Variants in COX7B2 observed in about 807,000 individuals in gnomAD.
COX7B2 encodes the protein cytochrome c oxidase subunit 7B2.
For synonymous variants in COX7B2, 37 were observed against 32.1 expected (o/e 1.15, Z -0.51); for missense variants, 109 against 95.9 (o/e 1.14, Z -0.57).
At chr4:46,802,412 C>A (rs946250022) in intron 2 of COX7B2, among the ~76,000 whole-genome samples, 4 of 152,098 alleles carry the variant, frequency 2.6e-5, no homozygotes, top group African/African-American at 4.8e-5. Flanking sequence ...GTTTCTATGA[C>A]TTCCTTCATG....
chr4:46,735,324 T>A, intron 2 of COX7B2, 83 bp from the exon 3 acceptor site: 7 of 996,940 alleles, frequency 7.0e-6, no homozygotes, highest in Non-Finnish European at 1.1e-5. Context: ...CATCACCCCT[T>A]GGAGTGGTGT....
At chr4:46,903,455 CTTAG>C (rs1346778061) in intron 1 of COX7B2, among the ~76,000 whole-genome samples, 1 of 151,682 alleles carries the variant, frequency 6.6e-6, no homozygotes, top group Non-Finnish European at 1.5e-5. Context: ...AGCGCAATTA[CTTAG>C]TTTTTTTTTT....
In COX7B2 at chr4:46,881,859, TCTC is replaced by T. The variant is rs370239805; in HGVS notation, c.-105+27298_-105+27300del. Among the ~76,000 whole-genome samples, 627 of 152,236 alleles carry T rather than the reference TCTC, an allele frequency of 4.1e-3. 6 individuals are homozygous for T. Among genetic ancestry groups the T allele is most frequent in the African/African-American group, 0.014 (586 of 41,528 alleles). On this transcript the variant is annotated intron_variant, in intron 1 of 2. Coordinates refer to ENST00000355591, the MANE Select transcript of COX7B2 (RefSeq NM_130902.3). ...CTAGCTTTGAGGTTTTTTTCTTGAC[TCTC>T]CTCTAATTCTTTCAGTTGTGATGTT...
At chr4:46,834,791 T>A (rs1715397326) in intron 2 of COX7B2, among the ~76,000 whole-genome samples, 1 of 152,072 alleles carries the variant, frequency 6.6e-6, no homozygotes, top group Non-Finnish European at 1.5e-5. Context: ...ATAGAAGCTA[T>A]TGTTTATCAT....
intron 1 of COX7B2, among the ~76,000 whole-genome samples, chr4:46,894,146 A>T (rs1399545409): frequency 6.6e-6 from 1 of 152,206 alleles, no homozygotes; most frequent in Non-Finnish European, 1.5e-5. Flanking sequence ...TGTTCTTCAC[A>T]GAACTAGAAA....
At chr4:46,798,155 T>A (rs184292268) in intron 2 of COX7B2, among the ~76,000 whole-genome samples, 12 of 152,220 alleles carry the variant, frequency 7.9e-5, no homozygotes, top group Admixed American at 3.3e-4. Context: ...TACAAAAAAA[T>A]GCACAGGCCT....
rs572244634 is a variant in COX7B2 at position 46,782,757 on chromosome 4, T to C, written c.-49-47516A>G. On this transcript the variant is annotated intron_variant, in intron 2 of 2. Transcript: ENST00000355591. ...ACCAGAATGAACAAACAACTCAAGA[T>C]GCGCTGCCTTTAAGAGCTGTAAGGC... Among the ~76,000 whole-genome samples the C allele has an allele frequency of 1.2e-3, 180 of 152,242 alleles. 1 individual carries two copies. Among genetic ancestry groups the C allele is most frequent in the African/African-American group, 4.1e-3 (170 of 41,538 alleles).
intron 1 of COX7B2, among the ~76,000 whole-genome samples, chr4:46,894,991 GT>G (rs1267485088): frequency 6.6e-6 from 1 of 152,088 alleles, no homozygotes; most frequent in Non-Finnish European, 1.5e-5. Flanking sequence ...ACAGATGCTG[GT>G]GAGGTTATTG....
chr4:46,863,719 C>T (rs988210898), intron 1 of COX7B2, among the ~76,000 whole-genome samples: 6 of 152,106 alleles, frequency 3.9e-5, no homozygotes, highest in Admixed American at 1.3e-4. Context: ...ACCTTTTCTC[C>T]TCTGGTTTTA....
chr4:46,832,651 G>T (rs190049748), intron 2 of COX7B2, among the ~76,000 whole-genome samples: 1 of 152,052 alleles, frequency 6.6e-6, no homozygotes, highest in Non-Finnish European at 1.5e-5. Flanking sequence ...GGTGATTGGC[G>T]CATGGAGGCA....
At chr4:46,882,210 C>T (rs532888825) in intron 1 of COX7B2, among the ~76,000 whole-genome samples, 2 of 152,064 alleles carry the variant, frequency 1.3e-5, no homozygotes, top group East Asian at 3.9e-4. Context: ...GTTTTAGGTC[C>T]AATTATGTGG....
chr4:46,771,802 C>A (rs901242137), intron 2 of COX7B2, among the ~76,000 whole-genome samples: 1 of 152,060 alleles, frequency 6.6e-6, no homozygotes, highest in Non-Finnish European at 1.5e-5. Flanking sequence ...AACCTCTGAT[C>A]CCAAGTATTT....
intron 2 of COX7B2, among the ~76,000 whole-genome samples, chr4:46,758,733 C>A (rs1297105154): frequency 2.0e-5 from 3 of 152,070 alleles, no homozygotes; most frequent in Non-Finnish European, 4.4e-5. Context: ...GCGTAGCCAG[C>A]ATTTACTCAA....
At chr4:46,744,250 G>C (rs897458475) in intron 2 of COX7B2, among the ~76,000 whole-genome samples, 5 of 151,756 alleles carry the variant, frequency 3.3e-5, no homozygotes, top group Non-Finnish European at 2.9e-5. Flanking sequence ...CCCGCATCCA[G>C]ACAATGGGAC....
At chr4:46,880,999 A>ATAAAAAT (rs1560435015) in intron 1 of COX7B2, among the ~76,000 whole-genome samples, 3 of 151,266 alleles carry the variant, frequency 2.0e-5, no homozygotes, top group African/African-American at 7.3e-5. Context: ...ATAATAAAAA[A>ATAAAAAT]AAAAAAAAAA....
chr4:46,875,088 A>ACTTATCTGAACAAACAT (rs1718240988), intron 1 of COX7B2, among the ~76,000 whole-genome samples: 1 of 152,172 alleles, frequency 6.6e-6, no homozygotes, highest in African/African-American at 2.4e-5. Flanking sequence ...CCTGTTGGTA[A>ACTTATCTGAACAAACAT]CTGCTACCCT....
chr4:46,869,746 T>G (rs1453227326), intron 1 of COX7B2, among the ~76,000 whole-genome samples: 1 of 152,184 alleles, frequency 6.6e-6, no homozygotes, highest in African/African-American at 2.4e-5. Flanking sequence ...GGTCTGCTGT[T>G]AGCCTGATGG....
chr4:46,744,346 T>C (rs1295447129), intron 2 of COX7B2, among the ~76,000 whole-genome samples: 1 of 152,060 alleles, frequency 6.6e-6, no homozygotes, highest in Non-Finnish European at 1.5e-5. Flanking sequence ...TTCCCTGCTA[T>C]AAACCCTTAA....
At chr4:46,819,131 G>A (rs1390228470) in intron 2 of COX7B2, among the ~76,000 whole-genome samples, 1 of 152,116 alleles carries the variant, frequency 6.6e-6, no homozygotes, top group Admixed American at 6.5e-5. Context: ...TGGCTGATAG[G>A]TGATAGATTT....
Sources: allele counts gnomAD v4.1 joint callset (sites outside exome capture counted in the v4.1 genomes callset), GRCh38; gene constraint gnomAD v4.1.1; transcripts MANE v1.5; gene names NCBI Gene and HGNC (gene_info 2026-07-23, HGNC 2026-07-21).